The following PIP5K1A variants were observed in gnomAD, a reference collection of about 807,000 sequenced individuals.
The protein encoded by PIP5K1A is phosphatidylinositol 4-phosphate 5-kinase type-1 alpha.
Under a neutral mutation model 72.9 loss-of-function variants are expected in PIP5K1A, and 46 were observed. That is an observed-to-expected ratio of 0.63 (90% confidence interval 0.50 to 0.81). The LOEUF (loss-of-function observed/expected upper bound fraction) is 0.81, where lower values mean the gene tolerates loss of function less well. Ranked by LOEUF, PIP5K1A falls within the 30% of genes least tolerant of loss-of-function variation. The pLI is 0.00. For synonymous variants in PIP5K1A, 228 were observed against 255.1 expected (o/e 0.89, Z 1.01); for missense variants, 458 against 706.1 (o/e 0.65, Z 3.98).
intron 3 of PIP5K1A, among the ~76,000 whole-genome samples, chr1:151,224,877 C>A (rs181306288): frequency 5.9e-5 from 9 of 152,154 alleles, no homozygotes; most frequent in African/African-American, 2.2e-4. Context: ...TCTTGCCTCT[C>A]CCCTGGGTTT....
intron 4 of PIP5K1A, among the ~76,000 whole-genome samples, chr1:151,229,705 T>C (rs113394087): frequency 6.8e-6 from 1 of 147,682 alleles, no homozygotes; most frequent in Non-Finnish European, 1.5e-5. Context: ...AAAAGATGAG[T>C]TTCTATTATA....
chr1:151,222,215 G>A (rs1243072061), intron 1 of PIP5K1A, among the ~76,000 whole-genome samples: 1 of 152,208 alleles, frequency 6.6e-6, no homozygotes, highest in Non-Finnish European at 1.5e-5. Flanking sequence ...AAGGAAGAGA[G>A]AAGGTTTTGT....
intron 1 of PIP5K1A, among the ~76,000 whole-genome samples, chr1:151,200,858 C>T (rs1322359118): frequency 6.6e-6 from 1 of 150,802 alleles, no homozygotes; most frequent in East Asian, 1.9e-4. Context: ...GAGACGGAGT[C>T]TCGCTCTGTC....
At chr1:151,213,390 T>C (rs1051803873) in intron 1 of PIP5K1A, 1 of 152,194 alleles carries the variant, frequency 6.6e-6, no homozygotes, top group East Asian at 1.9e-4. Flanking sequence ...TTTCCTAGCT[T>C]ATTTTCATAA....
In PIP5K1A at chr1:151,239,932, A is replaced by G. The variant is rs781116679; in HGVS notation, c.1279-23A>G. Reference sequence around the variant, plus strand: ...TCCTCTTGCCGGGCCTCCTAACTCTATAGCATTTCTTCTGCTCTGCAGGAC... The same window carrying G: ...TCCTCTTGCCGGGCCTCCTAACTCTGTAGCATTTCTTCTGCTCTGCAGGAC... On this transcript the variant is annotated intron_variant, in intron 11 of 15. Coordinates refer to ENST00000368888, the MANE Select transcript of PIP5K1A (RefSeq NM_001135638.2). 5 of 1,511,526 alleles carry G rather than the reference A, an allele frequency of 3.3e-6. No individual in the cohort carries two copies. In the East Asian group the frequency reaches 6.8e-5, roughly 20 times the overall value. The allele number at this position is 1,511,526 out of a possible 1,614,324, so 93.6% of individuals were successfully genotyped here.
At chr1:151,228,950 C>T (rs1395603504) in intron 4 of PIP5K1A, among the ~76,000 whole-genome samples, 1 of 151,186 alleles carries the variant, frequency 6.6e-6, no homozygotes, top group Middle Eastern at 3.2e-3. Context: ...GGTGGATCAC[C>T]TGAGGTCAGG....
chr1:151,227,573 CT>C (rs1450250409), intron 4 of PIP5K1A, among the ~76,000 whole-genome samples, 173 bp downstream of exon 4: 1 of 152,186 alleles, frequency 6.6e-6, no homozygotes, highest in African/African-American at 2.4e-5. Context: ...AAATTGTCTC[CT>C]TTTTGTATAT....
At chr1:151,207,372 T>C (rs1210726409) in intron 1 of PIP5K1A, among the ~76,000 whole-genome samples, 1 of 152,176 alleles carries the variant, frequency 6.6e-6, no homozygotes, top group Non-Finnish European at 1.5e-5. Context: ...TGCCAAGGGA[T>C]ACATATTTGA....
At chr1:151,199,302 C>T in intron 1 of PIP5K1A, 6 of 876,028 alleles carry the variant, frequency 6.8e-6, no homozygotes, top group South Asian at 5.7e-5. Flanking sequence ...TTGAGGAGGA[C>T]GGATGGAGAT....
At chr1:151,236,833 T>TTA (rs1690956616) in intron 9 of PIP5K1A, 70 bp downstream of exon 9, 16 of 1,092,408 alleles carry the variant, frequency 1.5e-5, no homozygotes, top group Middle Eastern at 2.9e-4. Context: ...TTTTTTTTTT[T>TTA]TTTTTTTTTT....
intron 12 of PIP5K1A, among the ~76,000 whole-genome samples, chr1:151,241,202 C>T (rs1691634798): frequency 6.6e-6 from 1 of 151,224 alleles, no homozygotes; most frequent in Non-Finnish European, 1.5e-5. Context: ...CTATAGGATA[C>T]TATTAAAGAA....
intron 1 of PIP5K1A, chr1:151,215,915 A>C (rs1451687354): frequency 8.4e-7 from 1 of 1,195,992 alleles, no homozygotes; most frequent in East Asian, 5.7e-5. Flanking sequence ...GCTGTAAGCA[A>C]ATGGGACCCC....
chr1:151,228,281 A>C (rs1689455935), intron 4 of PIP5K1A, among the ~76,000 whole-genome samples: 1 of 152,080 alleles, frequency 6.6e-6, no homozygotes. Flanking sequence ...CCTCCTGAGT[A>C]GCTGGGACTA....
chr1:151,242,449 G>T lies in PIP5K1A; in HGVS notation c.1522G>T (p.Gly508Cys). The T allele has an allele frequency of 6.2e-7, 1 of 1,614,004 alleles. No homozygotes were observed. The highest frequency in any genetic ancestry group is 8.5e-7 in the Non-Finnish European group (1 of 1,179,988). The change falls in exon 14 of 16, where the codon GGT (glycine) becomes TGT (cysteine). Residue 508 changes from glycine to cysteine, a missense_variant. By Grantham distance (159) the Gly-to-Cys change is radical. Transcript: ENST00000368888. ...TATCTTTTTTCCAGGCGTTCACCTT[G>T]GTCGTCCTGATGTTTTACCTCAGAC... ...KAEVEPGVHL[G>C]RPDVLPQTPP...
At position 151,238,137 on chromosome 1, in the gene PIP5K1A, A is replaced by C. The variant is rs1314844139; in HGVS notation, c.1146-45A>C. 3.1e-6 allele frequency: 4 copies of C among 1,285,216 alleles called. No individual in the cohort carries two copies. In the South Asian group the frequency reaches 4.8e-5, roughly 15 times the overall value. 79.6% of individuals were successfully genotyped at this position (1,285,216 alleles called of 1,614,324 possible). On this transcript the variant is annotated intron_variant, in intron 9 of 15. Transcript: ENST00000368888. Reference sequence around the variant, plus strand: ...CACTTCCCCATCCTGATCTGACTAAACTAGCCAACAGATTTTCTCACCCTT... The same window carrying C: ...CACTTCCCCATCCTGATCTGACTAACCTAGCCAACAGATTTTCTCACCCTT...
rs778057101 is a variant in PIP5K1A, at chr1:151,232,282, A to C, written c.403A>C (p.Asn135His). Residue 135 changes from asparagine to histidine, a missense_variant, in exon 6 of 16, where the codon AAT becomes CAT. By Grantham distance (68) the Asn-to-His change is moderately conservative (BLOSUM62 1). This residue lies in a region of PIP5K1A where 220 missense variants were observed against 442.6 expected (regional missense o/e 0.50). Transcript: ENST00000368888. The part of the protein sequence containing the change: ...GSNLTPAHHY[N>H]DFRFKTYAPV... ...CAACCTGACCCCTGCTCATCACTAC[A>C]ATGACTTTCGTTTCAAGACCTATGC... 21 of 1,613,910 alleles carry C rather than the reference A, an allele frequency of 1.3e-5. No individual in the cohort carries two copies. In the East Asian group the frequency reaches 4.5e-4, roughly 34 times the overall value.
intron 3 of PIP5K1A, among the ~76,000 whole-genome samples, chr1:151,226,713 CAAAA>C (rs112650908): frequency 8.0e-6 from 1 of 124,798 alleles, no homozygotes; most frequent in Non-Finnish European, 1.6e-5. Flanking sequence ...AACTCTGTCT[CAAAA>C]AAAAAAAAAA....
At chr1:151,239,420 G>T (rs1168560277) in intron 11 of PIP5K1A, among the ~76,000 whole-genome samples, 1 of 151,702 alleles carries the variant, frequency 6.6e-6, no homozygotes, top group East Asian at 1.9e-4. Flanking sequence ...CCACAGGCGC[G>T]TGCCACCACG....
intron 1 of PIP5K1A, among the ~76,000 whole-genome samples, chr1:151,213,106 A>G (rs886667302): frequency 3.9e-5 from 6 of 151,920 alleles, no homozygotes; most frequent in African/African-American, 1.4e-4. Context: ...GTTAGCCAGG[A>G]TGGTCTCGAT....
Sources: allele counts gnomAD v4.1 joint callset (sites outside exome capture counted in the v4.1 genomes callset), GRCh38; gene constraint gnomAD v4.1.1; regional missense constraint gnomAD v4.1.1; transcripts MANE v1.5; gene names NCBI Gene and HGNC (gene_info 2026-07-23, HGNC 2026-07-21).